Variants in APBB2 observed in about 807,000 individuals in gnomAD.
The protein encoded by APBB2 is amyloid beta precursor protein binding family B member 2.
A neutral mutation model predicts 82.5 loss-of-function variants in APBB2; 38 were observed. That is an observed-to-expected ratio of 0.46 (90% CI 0.36 to 0.60). The LOEUF (loss-of-function observed/expected upper bound fraction) is 0.60. Among genes scored for constraint, APBB2 ranks in the 20% least tolerant of loss-of-function variants. APBB2 has a pLI of 0.00. For missense variants in APBB2, 772 were observed against 972.3 expected (o/e 0.79, Z 2.74); for synonymous variants, 341 against 368.2 (o/e 0.93, Z 0.85).
chr4:40,945,141 C>T (rs529246448), intron 6 of APBB2, 68 bp from the exon 7 acceptor site: 3 of 1,240,910 alleles, frequency 2.4e-6, no homozygotes, highest in East Asian at 4.7e-5. Context: ...CAGCACTATT[C>T]GTCAGGTGAA....
chr4:41,135,621 G>A (rs1025008892), intron 2 of APBB2, among the ~76,000 whole-genome samples: 2 of 152,080 alleles, frequency 1.3e-5, no homozygotes, highest in Non-Finnish European at 2.9e-5. Context: ...TCTTGTATCA[G>A]TAATTATATT....
chr4:40,980,940 A>C (rs1417161104), intron 6 of APBB2, among the ~76,000 whole-genome samples: 1 of 152,184 alleles, frequency 6.6e-6, no homozygotes, highest in East Asian at 1.9e-4. Context: ...CTTGTTAACA[A>C]TGAAGATTCT....
intron 1 of APBB2, among the ~76,000 whole-genome samples, chr4:41,195,327 G>A: frequency 3.3e-5 from 5 of 152,166 alleles, no homozygotes; most frequent in Admixed American, 3.3e-4. Context: ...GCTTCCAGCT[G>A]CTCCGACTAA....
intron 2 of APBB2, among the ~76,000 whole-genome samples, chr4:41,136,994 A>C (rs1264791100): frequency 6.6e-6 from 1 of 152,210 alleles, no homozygotes; most frequent in East Asian, 1.9e-4. Context: ...TTCTAATATA[A>C]TTATTTTAAT....
At chr4:40,942,643 C>G (rs1432681463) in intron 7 of APBB2, among the ~76,000 whole-genome samples, 2 of 151,722 alleles carry the variant, frequency 1.3e-5, no homozygotes, top group Non-Finnish European at 2.9e-5. Flanking sequence ...AGCAGCGGGG[C>G]TGTTGGGGGG....
chr4:40,811,943 A>ATTCT lies in APBB2; in HGVS notation c.*4145_*4148dup, dbSNP rs1744501748. On this transcript the variant is annotated 3_prime_UTR_variant, in exon 18 of 18. Coordinates refer to ENST00000508593, the MANE Select transcript of APBB2 (RefSeq NM_004307.2). ...TAGTGTGTGTACACCTCTATTCTTTATTCTTTGATGTCAGGTTCTTAAAGG... is the reference window on the plus strand; with the variant it reads ...TAGTGTGTGTACACCTCTATTCTTTATTCTTTCTTTGATGTCAGGTTCTTAAAGG... 6.6e-6 allele frequency: 1 copy of ATTCT among 152,166 alleles called. No individual in the cohort carries two copies. Among genetic ancestry groups the ATTCT allele is most frequent in the Admixed American group, 6.5e-5 (1 of 15,282 alleles). 9.4% of individuals were successfully genotyped at this position (152,166 alleles called of 1,614,324 possible).
chr4:41,040,727 G>A (rs1044276151), intron 4 of APBB2, among the ~76,000 whole-genome samples: 1 of 151,934 alleles, frequency 6.6e-6, no homozygotes, highest in African/African-American at 2.4e-5. Context: ...ACATTACTAG[G>A]GTTCTTTTGA....
chr4:40,861,446 G>A (rs1762741743), intron 12 of APBB2, among the ~76,000 whole-genome samples: 1 of 152,168 alleles, frequency 6.6e-6, no homozygotes, highest in South Asian at 2.1e-4. Context: ...AGGATTGCTT[G>A]AGCCCAGGAG....
chr4:40,851,738 A>ATATATATATTTTTTT (rs1192919460), intron 12 of APBB2, among the ~76,000 whole-genome samples: 1 of 67,736 alleles, frequency 1.5e-5, no homozygotes, highest in Non-Finnish European at 3.3e-5. Flanking sequence ...ATATATATAT[A>ATATATATATTTTTTT]TTTTTTTTTT....
rs1787977567 is a variant in APBB2, at chr4:40,944,966, T to C, written c.943A>G (p.Thr315Ala). 3 of 1,613,986 alleles carry C rather than the reference T, an allele frequency of 1.9e-6. No homozygotes were observed. The highest frequency in any genetic ancestry group is 4.5e-5 in the East Asian group (2 of 44,874). ...GTYYWHIPTG[T>A]TQWERPVSIP... ...GAGACGGGCCGTTCCCACTGAGTCG[T>C]TCCTGTTGGGATGTGCCAATAATAG... The change falls in exon 7 of 18, where the codon ACG (threonine) becomes GCG (alanine). Residue 315 changes from threonine (T) to alanine (A), a missense_variant. Physicochemically the swap from Thr to Ala is moderately conservative, Grantham distance 58. Coordinates refer to ENST00000508593, the MANE Select transcript of APBB2 (RefSeq NM_004307.2).
At chr4:41,148,850 T>C (rs949619237) in intron 1 of APBB2, among the ~76,000 whole-genome samples, 2 of 152,234 alleles carry the variant, frequency 1.3e-5, no homozygotes, top group Non-Finnish European at 2.9e-5. Context: ...AAAAAATTTC[T>C]GCTTTAATGG....
chr4:41,124,455 G>A (rs1474260726), intron 2 of APBB2, among the ~76,000 whole-genome samples: 5 of 152,086 alleles, frequency 3.3e-5, no homozygotes, highest in East Asian at 1.9e-4. Context: ...TGATCCGCCC[G>A]CCTCCCCAAA....
At chr4:40,849,591 G>C (rs1028139787) in intron 12 of APBB2, among the ~76,000 whole-genome samples, 3 of 152,142 alleles carry the variant, frequency 2.0e-5, no homozygotes, top group African/African-American at 7.2e-5. Flanking sequence ...GGCAGTTATG[G>C]ACTGAAAAGC....
At position 40,810,899 on chromosome 4, in the gene APBB2, A is replaced by C. The variant is rs1042461564; in HGVS notation, c.*5193T>G. On this transcript the variant is annotated 3_prime_UTR_variant, in exon 18 of 18. Coordinates refer to ENST00000508593, the MANE Select transcript of APBB2 (RefSeq NM_004307.2). ...TCAGTAAAGAATCCCATTGTGTATC[A>C]TAAGAATCCCTTATCCTTTTCGGGC... The C allele has an allele frequency of 2.6e-5, 4 of 152,220 alleles. No homozygotes were observed. The highest frequency in any genetic ancestry group is 4.8e-5 in the African/African-American group (2 of 41,452). The allele number at this position is 152,220 out of a possible 1,614,324, so 9.4% of individuals were successfully genotyped here. A position where few individuals can be genotyped will look rare whatever the true frequency, so the allele number is the denominator to read the frequency against.
At chr4:41,040,951 G>T (rs1721151793) in intron 4 of APBB2, among the ~76,000 whole-genome samples, 1 of 152,082 alleles carries the variant, frequency 6.6e-6, no homozygotes, top group Non-Finnish European at 1.5e-5. Flanking sequence ...CGCAATCTCG[G>T]CTCACTGCAA....
chr4:41,185,000 C>A (rs1772490576), intron 1 of APBB2, among the ~76,000 whole-genome samples: 1 of 152,232 alleles, frequency 6.6e-6, no homozygotes, highest in Admixed American at 6.5e-5. Context: ...GAGAATCCAA[C>A]CTGAGACACT....
At chr4:40,908,620 G>A (rs1777714423) in intron 10 of APBB2, among the ~76,000 whole-genome samples, 1 of 152,120 alleles carries the variant, frequency 6.6e-6, no homozygotes, top group Admixed American at 6.5e-5. Flanking sequence ...AGCCCAGGGA[G>A]GCCAGCCCCA....
At chr4:40,960,054 A>G (rs1464881450) in intron 6 of APBB2, among the ~76,000 whole-genome samples, 1 of 152,240 alleles carries the variant, frequency 6.6e-6, no homozygotes, top group Non-Finnish European at 1.5e-5. Flanking sequence ...AGTGCCCTTA[A>G]AAAAATCAGT....
intron 1 of APBB2, among the ~76,000 whole-genome samples, chr4:41,190,087 ATT>A (rs5857782): frequency 6.6e-6 from 1 of 151,808 alleles, no homozygotes; most frequent in Non-Finnish European, 1.5e-5. Context: ...ACGTGCTATT[ATT>A]TTTTTTCATT....
Sources: gnomAD v4.1 joint callset for allele counts (sites outside exome capture counted in the v4.1 genomes callset) on GRCh38, gnomAD v4.1.1 for gene constraint, MANE v1.5 for transcripts, NCBI Gene and HGNC (gene_info 2026-07-23, HGNC 2026-07-21) for gene names.